The following SLC16A10 variants were observed in gnomAD, a reference collection of about 807,000 sequenced individuals.
The protein encoded by SLC16A10 is monocarboxylate transporter 10.
In SLC16A10, 27 loss-of-function variants were observed where a neutral mutation model predicts 40.0. That is an observed-to-expected ratio of 0.67 (90% CI 0.50 to 0.93). SLC16A10 has a LOEUF of 0.93. Ranked by LOEUF, SLC16A10 falls within the 40% of genes least tolerant of loss-of-function variation. The probability of loss-of-function intolerance (pLI) is 0.00; values close to 1 mark genes in which losing one functional copy is unlikely to be tolerated. For missense variants in SLC16A10, 529 were observed against 658.2 expected (o/e 0.80, Z 2.15); for synonymous variants, 213 against 249.8 (o/e 0.85, Z 1.39).
chr6:111,199,554 T>G (rs1773134905), intron 3 of SLC16A10, among the ~76,000 whole-genome samples: 1 of 152,052 alleles, frequency 6.6e-6, no homozygotes. Context: ...AACAGAACAA[T>G]TTTTGATAAC....
At chr6:111,098,343 A>G (rs1771113731) in intron 1 of SLC16A10, among the ~76,000 whole-genome samples, 1 of 152,144 alleles carries the variant, frequency 6.6e-6, no homozygotes, top group Admixed American at 6.5e-5. Context: ...GGATCGCTTG[A>G]GTCCAGGAGT....
intron 1 of SLC16A10, among the ~76,000 whole-genome samples, chr6:111,099,863 A>G (rs1771142477): frequency 6.6e-6 from 1 of 151,874 alleles, no homozygotes; most frequent in Non-Finnish European, 1.5e-5. Context: ...TCTCTACGAA[A>G]AATGCAAAAA....
In SLC16A10 at chr6:111,226,191, T is replaced by C. The variant is rs1176060412; in HGVS notation, c.*3956T>C. The C allele has an allele frequency of 2.0e-5, 3 of 152,152 alleles. No individual in the cohort carries two copies. The highest frequency in any genetic ancestry group is 7.2e-5 in the African/African-American group (3 of 41,424). The allele number at this position is 152,152 out of a possible 1,614,324, so 9.4% of individuals were successfully genotyped here. ...AATGCTTTGGGGAAAAAAAAAACCA[T>C]TGCCAAGTCTTTAGCATATTTTCAG... On this transcript the variant is annotated 3_prime_UTR_variant, in exon 6 of 6. Coordinates refer to ENST00000368851, the MANE Select transcript of SLC16A10 (RefSeq NM_018593.5).
At chr6:111,189,457 C>T (rs1772954011) in intron 3 of SLC16A10, among the ~76,000 whole-genome samples, 1 of 152,134 alleles carries the variant, frequency 6.6e-6, no homozygotes, top group South Asian at 2.1e-4. Flanking sequence ...TAAAAATCTG[C>T]ATATCAAAAA....
At chr6:111,148,039 G>T (rs1772110494) in intron 1 of SLC16A10, among the ~76,000 whole-genome samples, 1 of 152,100 alleles carries the variant, frequency 6.6e-6, no homozygotes, top group Non-Finnish European at 1.5e-5. Flanking sequence ...ATTTAAATTT[G>T]ATTTTGAGAT....
chr6:111,094,042 A>G (rs1161131688), intron 1 of SLC16A10, among the ~76,000 whole-genome samples: 1 of 152,240 alleles, frequency 6.6e-6, no homozygotes, highest in Non-Finnish European at 1.5e-5. Flanking sequence ...TTAAAAATTA[A>G]TAATTTCAAT....
At chr6:111,189,458 A>G (rs1179212996) in intron 3 of SLC16A10, among the ~76,000 whole-genome samples, 2 of 152,228 alleles carry the variant, frequency 1.3e-5, no homozygotes, top group Non-Finnish European at 2.9e-5. Flanking sequence ...AAAAATCTGC[A>G]TATCAAAAAT....
intron 3 of SLC16A10, among the ~76,000 whole-genome samples, chr6:111,206,081 C>CTT (rs200318165): frequency 1.4e-5 from 2 of 143,004 alleles, no homozygotes; most frequent in Non-Finnish European, 1.5e-5. Flanking sequence ...TATAAACATG[C>CTT]TTTTTTTTTT....
At chr6:111,100,959 CCTCTCT>C (rs71021825) in intron 1 of SLC16A10, among the ~76,000 whole-genome samples, 89 of 81,452 alleles carry the variant, frequency 1.1e-3, no homozygotes, top group South Asian at 8.8e-3. Context: ...TCTTTCTCTC[CCTCTCT>C]CTCTCTCTCT....
chr6:111,185,991 C>G (rs1204277746), intron 3 of SLC16A10, among the ~76,000 whole-genome samples: 3 of 151,956 alleles, frequency 2.0e-5, no homozygotes, highest in Non-Finnish European at 2.9e-5. Context: ...CTTCGACCTC[C>G]CGGACTCAAG....
intron 4 of SLC16A10, among the ~76,000 whole-genome samples, chr6:111,210,155 T>TA (rs1773322012): frequency 6.6e-6 from 1 of 152,206 alleles, no homozygotes; most frequent in Non-Finnish European, 1.5e-5. Flanking sequence ...GACAATGAAC[T>TA]AAGGGCTCTA....
intron 1 of SLC16A10, among the ~76,000 whole-genome samples, chr6:111,169,500 A>G (rs895902276): frequency 1.3e-5 from 2 of 152,220 alleles, no homozygotes; most frequent in Admixed American, 6.5e-5. Flanking sequence ...CCCAGCCTCC[A>G]TCTCCCATGC....
At chr6:111,117,100 C>T (rs1035688685) in intron 1 of SLC16A10, among the ~76,000 whole-genome samples, 2 of 151,952 alleles carry the variant, frequency 1.3e-5, no homozygotes, top group Non-Finnish European at 2.9e-5. Context: ...CCTGTAATCC[C>T]AGCGCTTTGG....
At position 111,227,357 on chromosome 6, in the gene SLC16A10, C is replaced by T. The variant is rs1056387592; in HGVS notation, c.*5122C>T. The T allele has an allele frequency of 2.0e-5, 3 of 152,114 alleles. No homozygotes were observed. The highest frequency in any genetic ancestry group is 1.9e-4 in the East Asian group (1 of 5,188). 9.4% of individuals were successfully genotyped at this position (152,114 alleles called of 1,614,324 possible). On this transcript the variant is annotated 3_prime_UTR_variant, in exon 6 of 6. Coordinates refer to ENST00000368851, the MANE Select transcript of SLC16A10 (RefSeq NM_018593.5). ...AAATATACTATAGAACAATAGGTCA[C>T]GATTCTCAAGAACAAAGCCGAATGC...
At chr6:111,220,522 T>A (rs1403334277) in intron 5 of SLC16A10, among the ~76,000 whole-genome samples, 1 of 152,230 alleles carries the variant, frequency 6.6e-6, no homozygotes, top group Non-Finnish European at 1.5e-5. Context: ...TTAGCTCAAT[T>A]CATTCTCATA....
In SLC16A10 at chr6:111,225,152, A is replaced by G. The variant is rs184335832; in HGVS notation, c.*2917A>G. On this transcript the variant is annotated 3_prime_UTR_variant, in exon 6 of 6. Transcript: ENST00000368851. ...GTAATATACCACCCAGATTATTGAT[A>G]CTTTATGCAAGATGTGTTCATCTCT... The G allele has an allele frequency of 1.3e-4, 20 of 152,328 alleles. No individual in the cohort carries two copies. The highest frequency in any genetic ancestry group is 4.8e-4 in the African/African-American group (20 of 41,576). 9.4% of individuals were successfully genotyped at this position (152,328 alleles called of 1,614,324 possible). A position where few individuals can be genotyped will look rare whatever the true frequency, so the allele number is the denominator to read the frequency against.
At chr6:111,210,324 A>C (rs980429971) in intron 4 of SLC16A10, among the ~76,000 whole-genome samples, 9 of 152,242 alleles carry the variant, frequency 5.9e-5, no homozygotes, top group Admixed American at 5.2e-4. Flanking sequence ...GTCTGGTCAC[A>C]CAGCTAGAAG....
intron 1 of SLC16A10, among the ~76,000 whole-genome samples, chr6:111,106,802 G>A (rs1335929868): frequency 2.0e-5 from 3 of 152,158 alleles, no homozygotes; most frequent in African/African-American, 4.8e-5. Flanking sequence ...AATGGTTTAT[G>A]GAACAACAGT....
chr6:111,120,267 G>GA (rs1182328035), intron 1 of SLC16A10, among the ~76,000 whole-genome samples: 5 of 152,112 alleles, frequency 3.3e-5, no homozygotes, highest in African/African-American at 1.2e-4. Flanking sequence ...GCACTTATTG[G>GA]AGTTGATAAA....
Sources: gnomAD v4.1 joint callset for allele counts (sites outside exome capture counted in the v4.1 genomes callset) on GRCh38, gnomAD v4.1.1 for gene constraint, MANE v1.5 for transcripts, NCBI Gene and HGNC (gene_info 2026-07-23, HGNC 2026-07-21) for gene names.